The following GPHN variants were observed in gnomAD, a reference collection of about 807,000 sequenced individuals.
GPHN encodes the protein gephyrin.
GPHN carries 17 observed loss-of-function variants against 95.5 expected under a neutral mutation model. The observed-to-expected ratio is 0.18, with a 90% CI of 0.12 to 0.27. GPHN has a LOEUF of 0.27. Among genes scored for constraint, GPHN ranks in the 10% least tolerant of loss-of-function variants. The pLI is 1.00. For synonymous variants in GPHN, 320 were observed against 322.5 expected, an observed-to-expected ratio of 0.99 and a Z score of 0.08; for missense variants, 660 against 978.1, an observed-to-expected ratio of 0.67 and a Z score of 4.34.
At chr14:67,685,328 T>C in the GPHN span, 1 of 685,542 alleles carries the variant, frequency 1.5e-6, no homozygotes, top group Non-Finnish European at 2.5e-6. Context: ...CATGGTGACA[T>C]CAGAAGTACT....
At chr14:67,043,289 G>A (rs2074815558) in intron 10 of GPHN, among the ~76,000 whole-genome samples, 1 of 152,140 alleles carries the variant, frequency 6.6e-6, no homozygotes, top group Non-Finnish European at 1.5e-5. Flanking sequence ...TGGTAAGAGA[G>A]GTCATCCTTG....
chr14:67,427,174 A>T, the GPHN span, among the ~76,000 whole-genome samples: 1 of 152,010 alleles, frequency 6.6e-6, no homozygotes, highest in Non-Finnish European at 1.5e-5. Flanking sequence ...TGGGTGGCGT[A>T]CTCCAGTAGA....
chr14:67,383,148 A>G, the GPHN span, among the ~76,000 whole-genome samples: 3 of 152,152 alleles, frequency 2.0e-5, no homozygotes, highest in Non-Finnish European at 4.4e-5. Flanking sequence ...TTCACCTCTT[A>G]TTTATGTAAT....
the GPHN span, chr14:67,360,647 T>G: frequency 6.3e-6 from 1 of 159,074 alleles, no homozygotes. Flanking sequence ...GGTCATCCTG[T>G]GTTCCAGAGG....
chr14:66,788,688 GC>G (rs1240131299), intron 3 of GPHN, among the ~76,000 whole-genome samples: 1 of 151,978 alleles, frequency 6.6e-6, no homozygotes, highest in African/African-American at 2.4e-5. Flanking sequence ...ACGGAGTTTT[GC>G]CCTTTTGCCC....
chr14:66,997,674 G>A (rs1272938641), intron 9 of GPHN, among the ~76,000 whole-genome samples: 1 of 152,146 alleles, frequency 6.6e-6, no homozygotes, highest in Non-Finnish European at 1.5e-5. Flanking sequence ...CAAACCCATA[G>A]CCTCACAAAG....
At chr14:67,674,322 T>C in the GPHN span, 2 of 1,469,404 alleles carry the variant, frequency 1.4e-6, no homozygotes, top group Non-Finnish European at 1.8e-6. Context: ...AGAATCTTCC[T>C]TCCAAAGCGC....
At chr14:66,676,477 CT>C (rs1566801476) in intron 1 of GPHN, among the ~76,000 whole-genome samples, 1 of 151,936 alleles carries the variant, frequency 6.6e-6, no homozygotes, top group African/African-American at 2.4e-5. Context: ...TAGGTATAAT[CT>C]TTCTATACTT....
chr14:66,691,260 CT>C (rs926370037), intron 2 of GPHN, among the ~76,000 whole-genome samples: 7 of 152,088 alleles, frequency 4.6e-5, no homozygotes, highest in Non-Finnish European at 1.0e-4. Flanking sequence ...TCTCGGCTCA[CT>C]GCAACGACCG....
chr14:67,473,727 C>T, the GPHN span: 296 of 1,610,858 alleles, frequency 1.8e-4, no homozygotes, highest in African/African-American at 3.7e-3. The surrounding 1 kb of genome is among the most constrained non-coding windows in gnomAD (Gnocchi z 6.5). Context: ...GCCGCGCAGC[C>T]GCAGGTACAT....
At chr14:67,557,101 G>C in the GPHN span, among the ~76,000 whole-genome samples, 3 of 152,140 alleles carry the variant, frequency 2.0e-5, no homozygotes, top group Admixed American at 2.0e-4. Flanking sequence ...TCCTTCTTTT[G>C]CTCAGATTGG....
At chr14:66,707,208 G>C (rs537415271) in intron 2 of GPHN, among the ~76,000 whole-genome samples, 1 of 152,306 alleles carries the variant, frequency 6.6e-6, no homozygotes, top group East Asian at 1.9e-4. Flanking sequence ...GTTTTACACT[G>C]TTGGTGGGAA....
chr14:66,549,003 C>G (rs1189150978), intron 1 of GPHN, among the ~76,000 whole-genome samples: 3 of 151,968 alleles, frequency 2.0e-5, no homozygotes, highest in Admixed American at 6.6e-5. Context: ...TTTTTACGTG[C>G]TCTCATTTTA....
chr14:66,672,834 T>C (rs538518266), intron 1 of GPHN, among the ~76,000 whole-genome samples: 1 of 152,204 alleles, frequency 6.6e-6, no homozygotes, highest in Non-Finnish European at 1.5e-5. Context: ...AAATGTATAA[T>C]TGGACCTTAT....
At chr14:66,783,131 A>T (rs2059663737) in intron 3 of GPHN, among the ~76,000 whole-genome samples, 1 of 152,190 alleles carries the variant, frequency 6.6e-6, no homozygotes, top group African/African-American at 2.4e-5. Flanking sequence ...CTTTTCAGCA[A>T]TATTTGCCCT....
At chr14:67,690,740 T>G in the GPHN span, 1 of 393,248 alleles carries the variant, frequency 2.5e-6, no homozygotes, top group African/African-American at 2.0e-5. Flanking sequence ...TCTCAGCACT[T>G]AAAGAGGCTG....
intron 1 of GPHN, among the ~76,000 whole-genome samples, chr14:66,542,645 C>T (rs2059396161): frequency 6.6e-6 from 1 of 152,142 alleles, no homozygotes; most frequent in South Asian, 2.1e-4. Flanking sequence ...GCATCACTAC[C>T]ACATGAAGAC....
chr14:67,031,308 A>G (rs895489393), intron 10 of GPHN, among the ~76,000 whole-genome samples: 1 of 152,146 alleles, frequency 6.6e-6, no homozygotes, highest in East Asian at 1.9e-4. Flanking sequence ...TTGGAGAAGT[A>G]TGTTAATTTC....
At chr14:67,562,705 C>A in the GPHN span, 4 of 1,612,966 alleles carry the variant, frequency 2.5e-6, no homozygotes, top group South Asian at 4.4e-5. Flanking sequence ...CCCTCCACCC[C>A]TCTGGCCTTC....
Sources: gnomAD v4.1 joint callset for allele counts (sites outside exome capture counted in the v4.1 genomes callset) on GRCh38, gnomAD v4.1.1 for gene constraint, Gnocchi (gnomAD v3.1) non-coding constraint, MANE v1.5 for transcripts, NCBI Gene and HGNC (gene_info 2026-07-23, HGNC 2026-07-21) for gene names.